The following NAALADL2 variants were observed in gnomAD, a reference collection of about 807,000 sequenced individuals.
NAALADL2 encodes the protein inactive N-acetylated-alpha-linked acidic dipeptidase-like protein 2.
A neutral mutation model predicts 87.2 loss-of-function variants in NAALADL2; 76 were observed. The observed-to-expected ratio is 0.87, with a 90% confidence interval of 0.72 to 1.05. The LOEUF (loss-of-function observed/expected upper bound fraction) is 1.05, where lower values mean the gene tolerates loss of function less well. Among genes scored for constraint, NAALADL2 ranks in the 50% least tolerant of loss-of-function variants. NAALADL2 has a pLI of 0.00. For missense variants in NAALADL2, 1,089 were observed against 945.8 expected, an observed-to-expected ratio of 1.15 and a Z score of -1.99; for synonymous variants, 354 against 331.0, an observed-to-expected ratio of 1.07 and a Z score of -0.75.
At chr3:174,889,756 A>G (rs1730641334) in intron 1 of NAALADL2, among the ~76,000 whole-genome samples, 1 of 152,114 alleles carries the variant, frequency 6.6e-6, no homozygotes, top group African/African-American at 2.4e-5. Flanking sequence ...TCTTTTTCTG[A>G]TCTTATGATT....
At chr3:175,501,064 A>G (rs80323398) in intron 9 of NAALADL2, among the ~76,000 whole-genome samples, 3,263 of 152,100 alleles carry the variant, frequency 0.021, 117 homozygotes, top group African/African-American at 0.074. Context: ...TTGAGTTAGG[A>G]TGGTTTCTGT....
intron 9 of NAALADL2, among the ~76,000 whole-genome samples, chr3:175,496,780 G>T (rs1402397486): frequency 6.6e-6 from 1 of 151,808 alleles, no homozygotes; most frequent in African/African-American, 2.4e-5. Context: ...GGCTGGTCTT[G>T]AACTCTTGGG....
chr3:175,723,639 C>T (rs1742537244), intron 11 of NAALADL2, among the ~76,000 whole-genome samples: 1 of 152,064 alleles, frequency 6.6e-6, no homozygotes, highest in African/African-American at 2.4e-5. Context: ...CTAAAAAAAT[C>T]TAATTATTCA....
intron 9 of NAALADL2, among the ~76,000 whole-genome samples, chr3:175,497,353 C>G (rs1728959022): frequency 6.6e-6 from 1 of 152,142 alleles, no homozygotes; most frequent in Admixed American, 6.6e-5. Flanking sequence ...CTTTACTAAT[C>G]TTTTTCATCC....
rs181041783 is a variant in NAALADL2 at position 175,151,822 on chromosome 3, C to G, written c.545+54531C>G. Among the ~76,000 whole-genome samples, 5 of 152,148 alleles carry G rather than the reference C, an allele frequency of 3.3e-5. No individual in the cohort carries two copies. In the East Asian group the frequency reaches 7.7e-4, roughly 24 times the overall value. ...AATAGTAACAATAAAAAGAATAAAT[C>G]ATAGCAACAACAAAAAATTGTAAAT... is the stretch of plus-strand genomic sequence containing the variant. On this transcript the variant is annotated intron_variant, in intron 2 of 13. Transcript: ENST00000454872.
intron 1 of NAALADL2, among the ~76,000 whole-genome samples, chr3:174,544,121 A>G (rs1035785482): frequency 3.6e-4 from 55 of 152,220 alleles, no homozygotes; most frequent in African/African-American, 1.2e-3. Context: ...TCCTTCTTCT[A>G]AGAGGCAACC....
chr3:175,310,734 A>AT (rs1758258954), intron 4 of NAALADL2, among the ~76,000 whole-genome samples: 1 of 151,968 alleles, frequency 6.6e-6, no homozygotes, highest in Non-Finnish European at 1.5e-5. Context: ...CACTATGGTC[A>AT]TTTTTTATCT....
At chr3:175,730,441 T>TATATATATAC (rs1743578192) in intron 11 of NAALADL2, among the ~76,000 whole-genome samples, 1 of 63,056 alleles carries the variant, frequency 1.6e-5, no homozygotes, top group Non-Finnish European at 3.4e-5. Flanking sequence ...TATATATATA[T>TATATATATAC]ATACACACAT....
chr3:175,759,066 A>T (rs1240067185), intron 13 of NAALADL2, among the ~76,000 whole-genome samples: 4 of 152,172 alleles, frequency 2.6e-5, no homozygotes, highest in Non-Finnish European at 5.9e-5. Context: ...ATTCCCAATG[A>T]TCTGGAAACA....
intron 1 of NAALADL2, among the ~76,000 whole-genome samples, chr3:174,548,258 A>G (rs183564472): frequency 5.9e-5 from 9 of 152,200 alleles, no homozygotes; most frequent in African/African-American, 2.2e-4. Context: ...CTTAAACATT[A>G]TGTTTTTAAA....
intron 4 of NAALADL2, among the ~76,000 whole-genome samples, chr3:175,292,885 A>C (rs1755820670): frequency 6.6e-6 from 1 of 151,700 alleles, no homozygotes; most frequent in African/African-American, 2.4e-5. Context: ...AAAATACAAA[A>C]AATAAGCCGG....
intron 5 of NAALADL2, among the ~76,000 whole-genome samples, chr3:175,337,933 G>A (rs1179197754): frequency 6.6e-6 from 1 of 152,130 alleles, no homozygotes; most frequent in Non-Finnish European, 1.5e-5. Flanking sequence ...TTAGTATAAC[G>A]AGTAAGAGCC....
At chr3:174,640,104 A>G (rs1004785132) in intron 2 of NAALADL2, among the ~76,000 whole-genome samples, 2 of 152,142 alleles carry the variant, frequency 1.3e-5, no homozygotes, top group African/African-American at 4.8e-5. Flanking sequence ...GAAGCTTGGT[A>G]TATAATGATT....
At chr3:175,360,106 T>C (rs1191304392) in intron 5 of NAALADL2, among the ~76,000 whole-genome samples, 1 of 152,194 alleles carries the variant, frequency 6.6e-6, no homozygotes, top group Non-Finnish European at 1.5e-5. Flanking sequence ...CCCTATCTTA[T>C]ATATCTCCTA....
At chr3:175,266,428 T>C (rs7642581) in intron 4 of NAALADL2, among the ~76,000 whole-genome samples, 4,702 of 151,654 alleles carry the variant, frequency 0.031, 234 homozygotes, top group Admixed American at 0.14. Context: ...AAATTTTGCC[T>C]AATATTCATA....
chr3:175,751,895 T>A (rs28516779), intron 12 of NAALADL2, among the ~76,000 whole-genome samples: 21,513 of 151,826 alleles, frequency 0.14, 1,638 homozygotes, highest in African/African-American at 0.18. Flanking sequence ...TTCAATTTAG[T>A]TTAATTTAAC....
intron 1 of NAALADL2, among the ~76,000 whole-genome samples, chr3:174,909,903 T>A (rs1301463395): frequency 1.3e-5 from 2 of 152,142 alleles, no homozygotes; most frequent in Non-Finnish European, 2.9e-5. Context: ...AACATTTGGT[T>A]AATATATTTA....
At chr3:175,432,515 C>A (rs1452849341) in intron 5 of NAALADL2, among the ~76,000 whole-genome samples, 1 of 151,992 alleles carries the variant, frequency 6.6e-6, no homozygotes, top group African/African-American at 2.4e-5. Flanking sequence ...TCTTAATCAA[C>A]ACCATATGTA....
rs3040504 is a variant in NAALADL2 at position 175,481,335 on chromosome 3, C to CTGTGTGTGTGTG, written c.1653+9597_1653+9608dup. Among the ~76,000 whole-genome samples, 416 of 143,972 alleles carry CTGTGTGTGTGTG rather than the reference C, an allele frequency of 2.9e-3. 1 individual carries two copies. Among genetic ancestry groups the CTGTGTGTGTGTG allele is most frequent in the Middle Eastern group, 0.018 (5 of 282 alleles). 94.5% of individuals were successfully genotyped at this position (143,972 alleles called of 152,430 possible). ...TTCTTTGTCATTACTAACAATGCCA[C>CTGTGTGTGTGTG]TGTGTGTGTGTGTGTGTGTGTGTGT... On this transcript the variant is annotated intron_variant, in intron 9 of 13. Transcript: ENST00000454872.
Sources: allele counts gnomAD v4.1 joint callset (sites outside exome capture counted in the v4.1 genomes callset), GRCh38; gene constraint gnomAD v4.1.1; transcripts MANE v1.5; gene names NCBI Gene and HGNC (gene_info 2026-07-23, HGNC 2026-07-21).